ORC4: variants seen among roughly 807,000 people sequenced by gnomAD.
The protein encoded by ORC4 is origin recognition complex, subunit 4 homolog.
In ORC4, 55 loss-of-function variants were observed where a neutral mutation model predicts 63.9. The ratio of observed to expected loss-of-function variants is 0.86; its 90% CI spans 0.69 to 1.08. The LOEUF (loss-of-function observed/expected upper bound fraction) is 1.08. ORC4 is among the 50% of genes least tolerant of loss of function. ORC4 has a pLI of 0.00. For synonymous variants in ORC4, 150 were observed against 168.5 expected (o/e 0.89, Z 0.85); for missense variants, 511 against 504.4 (o/e 1.01, Z -0.13).
chr2:148,019,122 A>G (rs1693504135), intron 1 of ORC4, among the ~76,000 whole-genome samples: 1 of 152,178 alleles, frequency 6.6e-6, no homozygotes, highest in Non-Finnish European at 1.5e-5. Flanking sequence ...GTTACACTAC[A>G]AAGAAAATTT....
intron 1 of ORC4, among the ~76,000 whole-genome samples, chr2:148,011,513 A>G (rs1317784647): frequency 6.6e-6 from 1 of 152,258 alleles, no homozygotes; most frequent in Non-Finnish European, 1.5e-5. Context: ...CACAGTTAGT[A>G]TCAGACTGAA....
At chr2:147,959,799 T>C (rs767609899) in intron 4 of ORC4, among the ~76,000 whole-genome samples, 7 of 152,222 alleles carry the variant, frequency 4.6e-5, no homozygotes, top group Admixed American at 6.5e-5. Context: ...TCTCAAGATA[T>C]CACCTGTCAT....
intron 1 of ORC4, among the ~76,000 whole-genome samples, chr2:148,018,884 G>C (rs1693482930): frequency 6.6e-6 from 1 of 152,336 alleles, no homozygotes; most frequent in African/African-American, 2.4e-5. Flanking sequence ...CTTCTCAGGT[G>C]CCACAGACGT....
At chr2:148,014,756 T>C (rs758705040) in intron 1 of ORC4, among the ~76,000 whole-genome samples, 4 of 152,170 alleles carry the variant, frequency 2.6e-5, no homozygotes, top group Non-Finnish European at 5.9e-5. Context: ...GCATCTACAT[T>C]GTATTAGGTA....
intron 1 of ORC4, among the ~76,000 whole-genome samples, chr2:147,979,921 A>C (rs2105366697): frequency 6.6e-6 from 1 of 152,332 alleles, no homozygotes; most frequent in South Asian, 2.1e-4. Context: ...TACAAAGATC[A>C]ACTAAAAATG....
chr2:147,948,200 T>G lies in ORC4; in HGVS notation c.613A>C (p.Arg205=). The change falls in exon 9 of 14, where the codon AGA becomes CGA. Residue 205 remains arginine (R), a synonymous_variant. Transcript: ENST00000392857. ...RLDILELLEK[R]VKSRFSHRQI... is the part of the protein sequence containing the mutation. ...CGGTGAGAAAATCTTGACTTCACTC[T>G]TTTTTCTAAGAGTTCCAAAATATCC... 6.2e-7 allele frequency: 1 copy of G among 1,608,268 alleles called. No individual in the cohort carries two copies. Among genetic ancestry groups the G allele is most frequent in the South Asian group, 1.1e-5 (1 of 90,498 alleles).
intron 4 of ORC4, among the ~76,000 whole-genome samples, chr2:147,971,442 A>G (rs1690204004): frequency 6.6e-6 from 1 of 151,834 alleles, no homozygotes; most frequent in South Asian, 2.1e-4. Context: ...CAAATAACCC[A>G]AATTAAAAAT....
intron 1 of ORC4, among the ~76,000 whole-genome samples, chr2:148,015,914 G>A (rs184243519): frequency 1.3e-5 from 2 of 152,306 alleles, no homozygotes; most frequent in Non-Finnish European, 2.9e-5. Context: ...TGAGGATGAG[G>A]AGTGTAGTGG....
chr2:148,005,518 G>GAACTTA (rs1423035739), intron 1 of ORC4, among the ~76,000 whole-genome samples: 3 of 151,856 alleles, frequency 2.0e-5, no homozygotes, highest in Non-Finnish European at 4.4e-5. Flanking sequence ...ATGTATCCCA[G>GAACTTA]AACTTAAATT....
chr2:147,931,180 A>G lies in ORC4; in HGVS notation c.*4330T>C, dbSNP rs1421004466. 13 of 151,110 alleles carry G rather than the reference A, an allele frequency of 8.6e-5. No individual in the cohort carries two copies. The East Asian group carries it at 2.1e-3, about 25-fold the overall frequency. The allele number at this position is 151,110 out of a possible 1,614,324, so 9.4% of individuals were successfully genotyped here. A position where few individuals can be genotyped will look rare whatever the true frequency, so the allele number is the denominator to read the frequency against. On this transcript the variant is annotated 3_prime_UTR_variant, in exon 14 of 14. Transcript: ENST00000392857. ...TTTCATCCATGTCCCTACAAAGGAC[A>G]TGAACTCATCATTTTTTATGGCTGC...
In ORC4 at chr2:147,968,287, C is replaced by T. The variant is rs1034035481; in HGVS notation, c.225+4452G>A. Among the ~76,000 whole-genome samples the T allele has an allele frequency of 5.3e-5, 8 of 152,026 alleles. 1 individual carries two copies. The highest frequency in any genetic ancestry group is 1.9e-4 in the African/African-American group (8 of 41,508). On this transcript the variant is annotated intron_variant, in intron 4 of 13. Transcript: ENST00000392857. ...ATCACAGACAACATAAAAAAATAGA[C>T]AAATCTGCTAACATCAAACTCAAAA...
intron 1 of ORC4, among the ~76,000 whole-genome samples, chr2:148,001,779 T>A (rs12476827): frequency 6.6e-6 from 1 of 151,926 alleles, no homozygotes; most frequent in Non-Finnish European, 1.5e-5. Context: ...TAAATGTAAA[T>A]GGGCTAACTG....
chr2:147,941,609 A>G (rs1434375988), intron 10 of ORC4, among the ~76,000 whole-genome samples: 1 of 152,092 alleles, frequency 6.6e-6, no homozygotes, highest in African/African-American at 2.4e-5. Flanking sequence ...TGAGCTAAGA[A>G]TATGAGTAAG....
chr2:148,021,481 T>C (rs965439037), upstream of ORC4: 121 of 573,498 alleles, frequency 2.1e-4, 3 homozygotes, highest in East Asian at 1.1e-3. Flanking sequence ...GCTGCTGCTG[T>C]TGCTGCTGCT....
chr2:148,000,273 G>A (rs955433618), intron 1 of ORC4, among the ~76,000 whole-genome samples: 1 of 152,054 alleles, frequency 6.6e-6, no homozygotes, highest in Non-Finnish European at 1.5e-5. Flanking sequence ...TAACATGGCT[G>A]TGACATTTCA....
At chr2:148,021,498 A>ACTGCTGCTGCTGCTACTGCTG, upstream of ORC4, 1 of 570,496 alleles carries the variant, frequency 1.8e-6, no homozygotes, top group Non-Finnish European at 3.4e-6. Flanking sequence ...TGCTGCTGCT[A>ACTGCTGCTGCTGCTACTGCTG]CTGCTGCTGC....
At chr2:147,957,258 GTATATAAT>G (rs1317662472) in intron 6 of ORC4, among the ~76,000 whole-genome samples, 4 of 146,774 alleles carry the variant, frequency 2.7e-5, no homozygotes, top group Admixed American at 1.4e-4. Context: ...ATTTTATAGA[GTATATAAT>G]TATATAATTA....
At chr2:147,976,959 G>C (rs557647028) in intron 1 of ORC4, among the ~76,000 whole-genome samples, 1 of 152,000 alleles carries the variant, frequency 6.6e-6, no homozygotes, top group Non-Finnish European at 1.5e-5. Context: ...AAAGACCTTT[G>C]ACTAAAAGAC....
At chr2:148,006,035 A>T (rs1169147832) in intron 1 of ORC4, among the ~76,000 whole-genome samples, 3 of 152,170 alleles carry the variant, frequency 2.0e-5, no homozygotes, top group African/African-American at 7.2e-5. Context: ...TCAGGTGAGT[A>T]ATCACGGCAC....
Sources: allele counts gnomAD v4.1 joint callset (sites outside exome capture counted in the v4.1 genomes callset), GRCh38; gene constraint gnomAD v4.1.1; transcripts MANE v1.5; gene names NCBI Gene and HGNC (gene_info 2026-07-23, HGNC 2026-07-21).